Variants in PDS5B observed in about 807,000 individuals in gnomAD.
PDS5B encodes PDS5 cohesin associated factor B.
Under a neutral mutation model 184.1 loss-of-function variants are expected in PDS5B, and 51 were observed. The ratio of observed to expected loss-of-function variants is 0.28; its 90% CI spans 0.22 to 0.35. The LOEUF (loss-of-function observed/expected upper bound fraction) is 0.35. Ranked by LOEUF, PDS5B falls within the 10% of genes least tolerant of loss-of-function variation. The probability of loss-of-function intolerance (pLI) is 1.00; values close to 1 mark genes in which losing one functional copy is unlikely to be tolerated. For missense variants in PDS5B, 1,180 were observed against 1,723.3 expected, an observed-to-expected ratio of 0.68 and a Z score of 5.58; for synonymous variants, 566 against 569.2, an observed-to-expected ratio of 0.99 and a Z score of 0.08.
chr13:32,737,909 A>G (rs1294101189), intron 21 of PDS5B, among the ~76,000 whole-genome samples: 1 of 152,168 alleles, frequency 6.6e-6, no homozygotes, highest in Non-Finnish European at 1.5e-5. Context: ...AATCTGTAAC[A>G]GCAACAAAAT....
At chr13:32,602,549 A>G (rs143423393) in intron 1 of PDS5B, among the ~76,000 whole-genome samples, 3,796 of 152,306 alleles carry the variant, frequency 0.025, 92 homozygotes, top group Admixed American at 0.048. Context: ...TAGTGCCGCA[A>G]TAAACATACA....
At position 32,651,868 on chromosome 13, in the gene PDS5B, A is replaced by G. The variant is rs768251039; in HGVS notation, c.173A>G (p.Asn58Ser). Reference protein sequence around the residue: ...DSEEEKELYLNLALHLASDFF... With the variant: ...DSEEEKELYLSLALHLASDFF... ...GAAGAAGAAAAGGAGCTTTATTTAA[A>G]CCTAGCTTTACATCTTGCTTCAGAT... The change falls in exon 3 of 35, where the codon AAC becomes AGC. Residue 58 changes from asparagine to serine, a missense_variant. Asn to Ser is a conservative substitution (Grantham distance 46). Around this residue, in one of 11 missense-constraint regions of PDS5B, gnomAD observed 22 missense variants for 79.3 expected, o/e 0.28. Coordinates refer to ENST00000315596, the MANE Select transcript of PDS5B (RefSeq NM_015032.4). 5.0e-6 allele frequency: 8 copies of G among 1,613,558 alleles called. No individual in the cohort carries two copies. In the East Asian group the frequency reaches 1.8e-4, roughly 36 times the overall value.
intron 14 of PDS5B, among the ~76,000 whole-genome samples, chr13:32,696,636 G>A (rs1339601526): frequency 6.6e-6 from 1 of 152,000 alleles, no homozygotes; most frequent in East Asian, 1.9e-4. Flanking sequence ...AACACAACAG[G>A]GTGAGGGAAG....
At chr13:32,667,653 A>G (rs754843474) in intron 6 of PDS5B, 111 bp from the exon 7 acceptor site, 24 of 648,618 alleles carry the variant, frequency 3.7e-5, no homozygotes, top group Non-Finnish European at 5.7e-5. Flanking sequence ...TTTTATTCCA[A>G]TTGAGTCTTA....
intron 1 of PDS5B, among the ~76,000 whole-genome samples, chr13:32,611,503 C>CTTTTT (rs35825698): frequency 4.5e-5 from 5 of 110,914 alleles, no homozygotes; most frequent in African/African-American, 3.5e-5. Context: ...TTGGTTAAAA[C>CTTTTT]TTTTTTTTTT....
At chr13:32,755,422 A>G (rs773114952) in intron 25 of PDS5B, among the ~76,000 whole-genome samples, 9 of 152,090 alleles carry the variant, frequency 5.9e-5, no homozygotes, top group Non-Finnish European at 1.2e-4. Flanking sequence ...AAAATACTAG[A>G]TGTTACTTAT....
At chr13:32,751,599 A>G (rs993384170) in intron 24 of PDS5B, among the ~76,000 whole-genome samples, 2 of 152,122 alleles carry the variant, frequency 1.3e-5, no homozygotes, top group African/African-American at 4.8e-5. Flanking sequence ...GCATTTCACT[A>G]ATGATTAACG....
intron 1 of PDS5B, among the ~76,000 whole-genome samples, chr13:32,605,664 T>G (rs1300617642): frequency 6.6e-6 from 1 of 152,170 alleles, no homozygotes; most frequent in Non-Finnish European, 1.5e-5. Flanking sequence ...ATATCGATAG[T>G]GGGGTGTTAA....
At chr13:32,650,290 A>G (rs375932209) in intron 2 of PDS5B, 2 of 152,126 alleles carry the variant, frequency 1.3e-5, no homozygotes, top group East Asian at 3.8e-4. Flanking sequence ...TATTTTGTAG[A>G]CATTTATGTC....
chr13:32,702,797 GA>G (rs2071846441), intron 17 of PDS5B, among the ~76,000 whole-genome samples: 1 of 152,176 alleles, frequency 6.6e-6, no homozygotes, highest in African/African-American at 2.4e-5. Context: ...AGCAGATTGT[GA>G]AAGCCTTTAA....
At chr13:32,624,869 T>A (rs1445708674) in intron 1 of PDS5B, among the ~76,000 whole-genome samples, 1 of 152,164 alleles carries the variant, frequency 6.6e-6, no homozygotes, top group Non-Finnish European at 1.5e-5. Flanking sequence ...TCCAAGTGCA[T>A]ACTACTTACT....
intron 1 of PDS5B, among the ~76,000 whole-genome samples, chr13:32,591,203 A>G (rs2057770354): frequency 2.0e-5 from 3 of 152,076 alleles, no homozygotes; most frequent in African/African-American, 7.2e-5. Context: ...ATCTTGGCTC[A>G]CCACAACCTC....
At position 32,776,852 on chromosome 13, in the gene PDS5B, G is replaced by A. The variant is rs958663374; in HGVS notation, c.*1800G>A. The A allele has an allele frequency of 1.3e-5, 2 of 152,330 alleles. No individual in the cohort carries two copies. The highest frequency in any genetic ancestry group is 2.9e-5 in the Non-Finnish European group (2 of 67,862). 9.4% of individuals were successfully genotyped at this position (152,330 alleles called of 1,614,324 possible). On this transcript the variant is annotated 3_prime_UTR_variant, in exon 35 of 35. Coordinates refer to ENST00000315596, the MANE Select transcript of PDS5B (RefSeq NM_015032.4). ...CCATTTATTTTTTAAAAAGTGTTTT[G>A]AATTGTGTCTTAATCTCTCCATATT...
intron 1 of PDS5B, among the ~76,000 whole-genome samples, chr13:32,601,833 T>C (rs1005089511): frequency 2.0e-5 from 3 of 152,218 alleles, no homozygotes; most frequent in African/African-American, 7.2e-5. Flanking sequence ...GGGAACTACA[T>C]TGAATTGGTT....
intron 1 of PDS5B, among the ~76,000 whole-genome samples, chr13:32,638,111 G>GC (rs1461067441): frequency 1.3e-5 from 2 of 152,130 alleles, no homozygotes; most frequent in Non-Finnish European, 2.9e-5. Context: ...GTGCCTCTGT[G>GC]CATATACATT....
chr13:32,761,205 A>G (rs1284173156), intron 30 of PDS5B, among the ~76,000 whole-genome samples: 1 of 152,238 alleles, frequency 6.6e-6, no homozygotes, highest in Non-Finnish European at 1.5e-5. Flanking sequence ...AAGAATATGC[A>G]AAATCTTAAC....
In PDS5B at chr13:32,729,865, A is replaced by G. The variant is rs566432818; in HGVS notation, c.2124-2236A>G. On this transcript the variant is annotated intron_variant, in intron 19 of 34. Transcript: ENST00000315596. ...GCCCTTTGTCAGATGAATAGAGTGC[A>G]GAAACTTTCTCCTGTTCTGTAGGCT... Among the ~76,000 whole-genome samples, 48 of 152,274 alleles carry G rather than the reference A, an allele frequency of 3.2e-4. No individual in the cohort carries two copies. In the South Asian group the frequency reaches 9.7e-3, roughly 31 times the overall value.
rs1953286551 is a variant in PDS5B, at chr13:32,735,154, T to C, written c.2248-18T>C. The C allele has an allele frequency of 1.3e-6, 2 of 1,501,484 alleles. No homozygotes were observed. The highest frequency in any genetic ancestry group is 2.8e-5 in the South Asian group (2 of 70,578). The allele number at this position is 1,501,484 out of a possible 1,614,324, so 93.0% of individuals were successfully genotyped here. On this transcript the variant is annotated intron_variant, in intron 20 of 34. Transcript: ENST00000315596. The stretch of plus-strand genomic sequence containing the variant: ...ATATGTGTAGAGTTGAAATATATTT[T>C]CCTCCCCTCATTTTCAGCCTCTGCA...
chr13:32,694,183 T>C, intron 13 of PDS5B, 40 bp from the exon 14 acceptor site: 1 of 1,315,198 alleles, frequency 7.6e-7, no homozygotes, highest in Non-Finnish European at 1.1e-6. Context: ...AGATTTTTAT[T>C]CTGTTTTGTT....
Sources: allele counts gnomAD v4.1 joint callset (sites outside exome capture counted in the v4.1 genomes callset), GRCh38; gene constraint gnomAD v4.1.1; regional missense constraint gnomAD v4.1.1; transcripts MANE v1.5; gene names NCBI Gene and HGNC (gene_info 2026-07-23, HGNC 2026-07-21).